The following FAM120A variants were observed in gnomAD, a reference collection of about 807,000 sequenced individuals.
The protein encoded by FAM120A is family with sequence similarity 120 member A, also known as constitutive coactivator of PPAR-gamma-like protein 1.
In FAM120A, 15 loss-of-function variants were observed where a neutral mutation model predicts 109.7. The observed-to-expected ratio is 0.14, with a 90% CI of 0.09 to 0.21. The LOEUF (loss-of-function observed/expected upper bound fraction) is 0.21, where lower values mean the gene tolerates loss of function less well. FAM120A is among the 10% of genes least tolerant of loss of function. The pLI is 1.00. For missense variants in FAM120A, 899 were observed against 1,439.3 expected (o/e 0.62, Z 6.07); for synonymous variants, 493 against 572.8 (o/e 0.86, Z 1.99).
chr9:93,459,107 C>T (rs1426059179), intron 1 of FAM120A, among the ~76,000 whole-genome samples: 1 of 152,200 alleles, frequency 6.6e-6, no homozygotes, highest in Non-Finnish European at 1.5e-5. Context: ...ATGTCAAATG[C>T]CAGCCTTCTT....
In FAM120A at chr9:93,529,524, G is replaced by A. The variant is rs760644827; in HGVS notation, c.1678G>A (p.Glu560Lys). The A allele has an allele frequency of 5.6e-6, 9 of 1,614,188 alleles. No individual in the cohort carries two copies. Among genetic ancestry groups the A allele is most frequent in the African/African-American group, 2.7e-5 (2 of 75,054 alleles). Reference protein sequence around the residue: ...PVAPEVLRVAEHRHKKGLMYP... With the variant: ...PVAPEVLRVAKHRHKKGLMYP... ...CGCACCTGAGGTGCTGAGAGTGGCC[G>A]AGCACAGGCACAAGAAGGGGCTGAT... The change falls in exon 9 of 18, where the codon GAG (glutamate) becomes AAG (lysine). Residue 560 changes from glutamate (E) to lysine (K), a missense_variant. This residue lies in a region of FAM120A where 133 missense variants were observed against 276.6 expected (regional missense o/e 0.48). Transcript: ENST00000277165.
chr9:93,467,900 A>G (rs2131246075), intron 1 of FAM120A, among the ~76,000 whole-genome samples: 2 of 151,076 alleles, frequency 1.3e-5, no homozygotes, highest in South Asian at 4.2e-4. Context: ...TTTTTTTTTG[A>G]GACGGAGTTT....
intron 1 of FAM120A, among the ~76,000 whole-genome samples, chr9:93,463,735 ATG>A (rs1857895474): frequency 6.6e-6 from 1 of 152,188 alleles, no homozygotes; most frequent in African/African-American, 2.4e-5. Context: ...TGGCTGGAGG[ATG>A]TGTCACATTG....
At position 93,452,493 on chromosome 9, in the gene FAM120A, A is replaced by G; in HGVS notation, c.474+104A>G. ...GCCCGGCCGTGGCGGCGCTGGGGGC[A>G]GCGAGTTCCCCCAGCCCTTGCCCGG... On this transcript the variant is annotated intron_variant, in intron 1 of 17. Transcript: ENST00000277165. The surrounding 1 kb of genome is among the most constrained non-coding windows in gnomAD (Gnocchi z 7.0). 2 of 1,544,772 alleles carry G rather than the reference A, an allele frequency of 1.3e-6. No individual in the cohort carries two copies. The highest frequency in any genetic ancestry group is 8.7e-7 in the Non-Finnish European group (1 of 1,149,946).
At chr9:93,550,261 C>A (rs1862047375) in intron 11 of FAM120A, among the ~76,000 whole-genome samples, 1 of 152,180 alleles carries the variant, frequency 6.6e-6, no homozygotes, top group South Asian at 2.1e-4. Flanking sequence ...AAAATTGGTA[C>A]TTAGAATGTA....
chr9:93,492,176 G>GTA (rs1257605204), intron 3 of FAM120A, among the ~76,000 whole-genome samples: 4 of 150,096 alleles, frequency 2.7e-5, no homozygotes, highest in African/African-American at 7.6e-5. Context: ...GTGTGTGTGT[G>GTA]TGTGTATATA....
At chr9:93,464,087 A>G (rs1210318995) in intron 1 of FAM120A, among the ~76,000 whole-genome samples, 1 of 152,240 alleles carries the variant, frequency 6.6e-6, no homozygotes, top group African/African-American at 2.4e-5. Context: ...TGCCAGAGAC[A>G]CAAACCTCAT....
intron 5 of FAM120A, among the ~76,000 whole-genome samples, chr9:93,512,314 A>C (rs1260511689): frequency 6.6e-6 from 1 of 152,212 alleles, no homozygotes; most frequent in Non-Finnish European, 1.5e-5. Context: ...AGCAAAAGCC[A>C]CACAGCTGCA....
At chr9:93,541,542 G>A (rs972268155) in intron 10 of FAM120A, among the ~76,000 whole-genome samples, 2 of 152,208 alleles carry the variant, frequency 1.3e-5, no homozygotes, top group African/African-American at 4.8e-5. Flanking sequence ...AAATAAGCAT[G>A]TATTTATATA....
At chr9:93,484,486 G>A (rs1235945993) in intron 3 of FAM120A, among the ~76,000 whole-genome samples, 1 of 152,214 alleles carries the variant, frequency 6.6e-6, no homozygotes, top group African/African-American at 2.4e-5. Flanking sequence ...CGTGTTGGTA[G>A]TGCTGGCACT....
intron 3 of FAM120A, among the ~76,000 whole-genome samples, chr9:93,479,345 G>T (rs982859185): frequency 6.6e-6 from 1 of 152,022 alleles, no homozygotes; most frequent in African/African-American, 2.4e-5. Flanking sequence ...TGATCCGCCC[G>T]CCTCGGCCTC....
intron 5 of FAM120A, among the ~76,000 whole-genome samples, chr9:93,499,580 G>A (rs767224716): frequency 7.9e-5 from 12 of 152,136 alleles, no homozygotes; most frequent in East Asian, 1.9e-4. Context: ...GAGCCACCAC[G>A]TTCAGCCTGC....
intron 12 of FAM120A, among the ~76,000 whole-genome samples, chr9:93,554,120 T>TACACACACACACACACAC (rs10672125): frequency 0.017 from 1,523 of 87,428 alleles, 212 homozygotes; most frequent in East Asian, 0.027. Flanking sequence ...GGCCATTTGA[T>TACACACACACACACACAC]ACACACACAC....
intron 5 of FAM120A, among the ~76,000 whole-genome samples, chr9:93,504,588 C>T (rs964719226): frequency 4.6e-5 from 7 of 152,102 alleles, no homozygotes; most frequent in African/African-American, 1.2e-4. Context: ...CTCTGACTTG[C>T]CTTCTTAATA....
chr9:93,520,385 GA>G (rs1341857663), intron 7 of FAM120A, among the ~76,000 whole-genome samples: 1 of 152,134 alleles, frequency 6.6e-6, no homozygotes, highest in African/African-American at 2.4e-5. Flanking sequence ...TATAAGCATG[GA>G]ATTCACAAGG....
At chr9:93,541,283 G>T (rs535162137) in intron 10 of FAM120A, among the ~76,000 whole-genome samples, 279 of 152,238 alleles carry the variant, frequency 1.8e-3, no homozygotes, top group Non-Finnish European at 3.2e-3. Context: ...AGCAGCCTTG[G>T]TGTTGGATCA....
intron 3 of FAM120A, among the ~76,000 whole-genome samples, chr9:93,493,942 G>T (rs543358942): frequency 6.6e-6 from 1 of 152,220 alleles, no homozygotes; most frequent in African/African-American, 2.4e-5. Flanking sequence ...TCTTATGGAA[G>T]AGTATCTGCT....
chr9:93,521,644 C>T (rs1018387832), intron 7 of FAM120A, among the ~76,000 whole-genome samples: 37 of 151,932 alleles, frequency 2.4e-4, no homozygotes, highest in Admixed American at 2.0e-3. Flanking sequence ...AGTAATGTCT[C>T]CTCCAGTTCC....
At chr9:93,539,530 T>C (rs1419698152) in intron 10 of FAM120A, among the ~76,000 whole-genome samples, 1 of 152,198 alleles carries the variant, frequency 6.6e-6, no homozygotes, top group Non-Finnish European at 1.5e-5. Flanking sequence ...AGTAGGAACA[T>C]GTTGCTCTTC....
Sources: allele counts gnomAD v4.1 joint callset (sites outside exome capture counted in the v4.1 genomes callset), GRCh38; gene constraint gnomAD v4.1.1; regional missense constraint gnomAD v4.1.1; non-coding constraint Gnocchi (gnomAD v3.1); transcripts MANE v1.5; gene names NCBI Gene and HGNC (gene_info 2026-07-23, HGNC 2026-07-21).